Variants in ANKRD30A observed in about 807,000 individuals in gnomAD.
ANKRD30A encodes the protein ankyrin repeat domain 30A.
Under a neutral mutation model 166.3 loss-of-function variants are expected in ANKRD30A, and 170 were observed. The ratio of observed to expected loss-of-function variants is 1.02; its 90% CI spans 0.90 to 1.16. The LOEUF (loss-of-function observed/expected upper bound fraction) is 1.16. ANKRD30A is among the 50% of genes most tolerant of loss of function. The pLI, the probability that ANKRD30A is intolerant of heterozygous loss-of-function variation, is 0.00. For missense variants in ANKRD30A, 1,630 were observed against 1,518.0 expected, an observed-to-expected ratio of 1.07 and a Z score of -1.23; for synonymous variants, 564 against 508.9, an observed-to-expected ratio of 1.11 and a Z score of -1.46.
intron 27 of ANKRD30A, among the ~76,000 whole-genome samples, chr10:37,194,626 T>A (rs1291366757): frequency 6.6e-6 from 1 of 152,254 alleles, no homozygotes; most frequent in East Asian, 1.9e-4. Flanking sequence ...ATTACAGGCG[T>A]GAGGCACCGT....
At chr10:37,158,681 C>G in intron 15 of ANKRD30A, 95 bp downstream of exon 15, 1 of 1,522,118 alleles carries the variant, frequency 6.6e-7, no homozygotes, top group Non-Finnish European at 8.9e-7. Context: ...GTTTTCTATT[C>G]AAAATTTGAT....
chr10:37,153,051 C>T (rs1198766717), intron 12 of ANKRD30A, among the ~76,000 whole-genome samples: 1 of 152,072 alleles, frequency 6.6e-6, no homozygotes, highest in Middle Eastern at 3.2e-3. Flanking sequence ...CCCCTGTTTA[C>T]CGAAAGGAAG....
intron 30 of ANKRD30A, among the ~76,000 whole-genome samples, chr10:37,200,456 AGGTCACAACGGC>A (rs1841528414): frequency 6.6e-6 from 1 of 152,100 alleles, no homozygotes; most frequent in African/African-American, 2.4e-5. Context: ...ATGTATTTTA[AGGTCACAACGGC>A]GGAAAGACAT....
intron 25 of ANKRD30A, among the ~76,000 whole-genome samples, 161 bp from the exon 26 acceptor site, chr10:37,192,903 G>A (rs1027365316): frequency 6.6e-6 from 1 of 151,920 alleles, no homozygotes; most frequent in Admixed American, 6.6e-5. Flanking sequence ...TGTCACGTTG[G>A]CATGATAACA....
Position 37,210,954 on chromosome 10 carries a change from G to A in ANKRD30A, c.2870-5227G>A, listed in dbSNP as rs73245456. Among the ~76,000 whole-genome samples, 888 of 152,184 alleles carry A rather than the reference G, an allele frequency of 5.8e-3. 8 individuals are homozygous for A. The highest frequency in any genetic ancestry group is 0.018 in the African/African-American group (767 of 41,530). On this transcript the variant is annotated intron_variant, in intron 31 of 35. Transcript: ENST00000361713. ...TGATGTTAGTTGCTTTTGCTGTGCC[G>A]AAGCTCTTTAGTTGAATTAAGTCCC... is the stretch of plus-strand genomic sequence containing the variant.
chr10:37,227,262 G>T (rs1843201973), intron 34 of ANKRD30A, among the ~76,000 whole-genome samples: 1 of 151,878 alleles, frequency 6.6e-6, no homozygotes, highest in African/African-American at 2.4e-5. Context: ...GAAACTTATA[G>T]TTTTAGCTCT....
intron 27 of ANKRD30A, among the ~76,000 whole-genome samples, chr10:37,194,738 C>A (rs190423141): frequency 6.6e-6 from 1 of 152,118 alleles, no homozygotes; most frequent in South Asian, 2.1e-4. Flanking sequence ...GGACCCAATA[C>A]AATTAGCTCT....
At position 37,200,205 on chromosome 10, in the gene ANKRD30A, C is replaced by T. The variant is rs556034693; in HGVS notation, c.2778+417C>T. Among the ~76,000 whole-genome samples the T allele has an allele frequency of 2.0e-5, 3 of 152,038 alleles. 1 individual carries two copies. In the South Asian group the frequency reaches 6.2e-4, roughly 32 times the overall value. On this transcript the variant is annotated intron_variant, in intron 30 of 35. Coordinates refer to ENST00000361713, the MANE Select transcript of ANKRD30A (RefSeq NM_052997.3). ...AGCTGCAGTATTGTAAAAGTTGGGA[C>T]CTGAAAAGTTAATGCCTGGGACTTG...
chr10:37,129,769 A>C, intron 1 of ANKRD30A, 124 bp from the exon 2 acceptor site: 1 of 449,064 alleles, frequency 2.2e-6, no homozygotes, highest in East Asian at 3.8e-5. Flanking sequence ...CTTCAGGAGA[A>C]TATTAAGTAT....
chr10:37,127,357 TTACACA>T (rs1242828830), intron 1 of ANKRD30A, among the ~76,000 whole-genome samples: 1 of 152,052 alleles, frequency 6.6e-6, no homozygotes, highest in Non-Finnish European at 1.5e-5. Context: ...AAATGCCTAT[TTACACA>T]GATACATTTT....
chr10:37,215,349 T>C (rs1842549442), intron 31 of ANKRD30A, among the ~76,000 whole-genome samples: 3 of 151,400 alleles, frequency 2.0e-5, no homozygotes, highest in Non-Finnish European at 4.4e-5. Flanking sequence ...AGCTTGGTCT[T>C]AGGTAGTTTT....
chr10:37,146,958 C>A (rs78161725), intron 8 of ANKRD30A, among the ~76,000 whole-genome samples: 2,366 of 151,260 alleles, frequency 0.016, 26 homozygotes, highest in Middle Eastern at 0.041. Context: ...ATATAACTAC[C>A]TCTAATATTT....
chr10:37,177,051 A>AT (rs1428149480), intron 24 of ANKRD30A, among the ~76,000 whole-genome samples: 5 of 130,192 alleles, frequency 3.8e-5, no homozygotes, highest in Non-Finnish European at 8.3e-5. Flanking sequence ...ATGTGACATA[A>AT]TTTTTTTCTT....
intron 25 of ANKRD30A, among the ~76,000 whole-genome samples, chr10:37,192,367 G>T (rs1840661878): frequency 6.6e-6 from 1 of 152,000 alleles, no homozygotes; most frequent in Non-Finnish European, 1.5e-5. Flanking sequence ...TGATGGGTAT[G>T]CTTGGACCTT....
chr10:37,245,705 A>G, the ANKRD30A span, among the ~76,000 whole-genome samples: 1 of 152,016 alleles, frequency 6.6e-6, no homozygotes, highest in South Asian at 2.1e-4. Context: ...GCTCAGTCTT[A>G]TCTGGCTGCA....
intron 34 of ANKRD30A, among the ~76,000 whole-genome samples, chr10:37,222,593 T>C (rs552379138): frequency 6.6e-6 from 1 of 151,406 alleles, no homozygotes; most frequent in South Asian, 2.1e-4. Context: ...TGGGCCTATA[T>C]TTTTATTTCT....
chr10:37,213,458 G>C (rs1842443021), intron 31 of ANKRD30A, among the ~76,000 whole-genome samples: 1 of 151,486 alleles, frequency 6.6e-6, no homozygotes, highest in African/African-American at 2.4e-5. Context: ...TTTGATTTTA[G>C]CATACGAAAA....
intron 7 of ANKRD30A, 39 bp downstream of exon 7, chr10:37,142,329 C>T: frequency 1.3e-6 from 2 of 1,525,430 alleles, no homozygotes; most frequent in South Asian, 2.6e-5. Context: ...TTTATTGGCA[C>T]TTCAGGTTCC....
At chr10:37,194,196 C>G (rs1022498978) in intron 27 of ANKRD30A, among the ~76,000 whole-genome samples, 8 of 151,918 alleles carry the variant, frequency 5.3e-5, no homozygotes, top group Admixed American at 1.3e-4. Context: ...TCTGAAAAAG[C>G]AAAGAAATAA....
Sources: allele counts gnomAD v4.1 joint callset (sites outside exome capture counted in the v4.1 genomes callset), GRCh38; gene constraint gnomAD v4.1.1; transcripts MANE v1.5; gene names NCBI Gene and HGNC (gene_info 2026-07-23, HGNC 2026-07-21).